LRFN5: variants seen among roughly 807,000 people sequenced by gnomAD.
LRFN5 encodes the protein leucine-rich repeat and fibronectin type-III domain-containing protein 5.
LRFN5 carries 24 observed loss-of-function variants against 45.6 expected under a neutral mutation model. The observed-to-expected ratio is 0.53, with a 90% CI of 0.38 to 0.74. The LOEUF (loss-of-function observed/expected upper bound fraction) is 0.74. Ranked by LOEUF, LRFN5 falls within the 30% of genes least tolerant of loss-of-function variation. The probability of loss-of-function intolerance (pLI) is 0.00; values close to 1 mark genes in which losing one functional copy is unlikely to be tolerated. For missense variants in LRFN5, 776 were observed against 861.5 expected (o/e 0.90, Z 1.24); for synonymous variants, 340 against 313.8 (o/e 1.08, Z -0.88).
chr14:41,733,892 T>C (rs1164359193), intron 1 of LRFN5, among the ~76,000 whole-genome samples: 1 of 151,312 alleles, frequency 6.6e-6, no homozygotes, highest in African/African-American at 2.4e-5. Context: ...GTGTTGCAAG[T>C]AGGGTATTGA....
intron 1 of LRFN5, among the ~76,000 whole-genome samples, chr14:41,649,008 G>A (rs1270259403): frequency 6.6e-6 from 1 of 152,116 alleles, no homozygotes; most frequent in East Asian, 1.9e-4. Context: ...CTGGCTTGCG[G>A]ATCACCTGAG....
At chr14:41,894,539 A>C in intron 4 of LRFN5, 5 of 956,554 alleles carry the variant, frequency 5.2e-6, no homozygotes, top group Non-Finnish European at 5.0e-6. Context: ...ATATTTTAAG[A>C]GATTAACAAA....
intron 1 of LRFN5, among the ~76,000 whole-genome samples, chr14:41,713,860 T>C (rs566043555): frequency 1.3e-5 from 2 of 152,248 alleles, no homozygotes; most frequent in South Asian, 2.1e-4. Flanking sequence ...ATATATTCAG[T>C]TGTAGGAATG....
chr14:41,748,547 C>G (rs925035212), intron 1 of LRFN5, among the ~76,000 whole-genome samples: 14 of 151,788 alleles, frequency 9.2e-5, no homozygotes, highest in African/African-American at 3.4e-4. Flanking sequence ...AATAGTTTTG[C>G]AAGATGAAAA....
intron 2 of LRFN5, among the ~76,000 whole-genome samples, chr14:41,865,080 T>C (rs953879899): frequency 6.6e-6 from 1 of 152,164 alleles, no homozygotes; most frequent in Admixed American, 6.5e-5. Flanking sequence ...TGTATTGAGA[T>C]ATAATTCATG....
rs1283474455 is a variant in LRFN5 at position 41,689,818 on chromosome 14, C to T, written c.-196-77036C>T. On this transcript the variant is annotated intron_variant, in intron 1 of 5. Coordinates refer to ENST00000298119, the MANE Select transcript of LRFN5 (RefSeq NM_152447.5). The stretch of plus-strand genomic sequence containing the variant: ...GCTGAGGCAGGAGAATGGCGTGAAC[C>T]CGGGAGGCGGAGCTTGCAGTGAGCC... Among the ~76,000 whole-genome samples, 4 of 147,848 alleles carry T rather than the reference C, an allele frequency of 2.7e-5. No homozygotes were observed. The East Asian group carries it at 6.0e-4, about 22-fold the overall frequency.
intron 2 of LRFN5, among the ~76,000 whole-genome samples, chr14:41,859,730 G>T (rs940403610): frequency 1.3e-5 from 2 of 152,156 alleles, no homozygotes; most frequent in Non-Finnish European, 2.9e-5. Flanking sequence ...CACAGATTAA[G>T]AGAAAAGATG....
chr14:41,837,194 C>CA (rs5808157), intron 2 of LRFN5, among the ~76,000 whole-genome samples: 4,633 of 74,964 alleles, frequency 0.062, 291 homozygotes, highest in African/African-American at 0.1. Flanking sequence ...ACACACTCCA[C>CA]AAAAAAAAAA....
rs537041641 is a variant in LRFN5, at chr14:41,606,896, G to A, written c.-1863G>A. Among the ~76,000 whole-genome samples, 11 of 150,688 alleles carry A rather than the reference G, an allele frequency of 7.3e-5. No individual in the cohort carries two copies. The highest frequency in any genetic ancestry group is 1.9e-4 in the African/African-American group (8 of 41,174). On this transcript the variant is annotated 5_prime_UTR_variant, in exon 1 of 6. The change abolishes an upstream ATG in the 5' untranslated region. Transcript: ENST00000298119. Reference sequence around the variant, plus strand: ...CCGCCGCCGCCGCCGCCGCCTTCATGCTGCAGCGCAGGGCTCAGTTCCACG... The same window carrying A: ...CCGCCGCCGCCGCCGCCGCCTTCATACTGCAGCGCAGGGCTCAGTTCCACG...
At chr14:41,697,077 T>A (rs1226410662) in intron 1 of LRFN5, among the ~76,000 whole-genome samples, 1 of 151,998 alleles carries the variant, frequency 6.6e-6, no homozygotes, top group Non-Finnish European at 1.5e-5. Flanking sequence ...GTATGAGAGT[T>A]ATGATAACCT....
intron 1 of LRFN5, chr14:41,700,226 A>G (rs12879030): frequency 0.19 from 28,896 of 152,078 alleles, 3,313 homozygotes; most frequent in Non-Finnish European, 0.27. Flanking sequence ...GGGTTACATG[A>G]TAATAGTTGA....
chr14:41,810,186 T>A (rs1887688899), intron 2 of LRFN5, among the ~76,000 whole-genome samples: 1 of 152,114 alleles, frequency 6.6e-6, no homozygotes, highest in Admixed American at 6.6e-5. Flanking sequence ...CTTCAGTGAC[T>A]TTTATTACTC....
At chr14:41,708,935 A>G (rs1022181986) in intron 1 of LRFN5, among the ~76,000 whole-genome samples, 2 of 150,544 alleles carry the variant, frequency 1.3e-5, no homozygotes, top group Admixed American at 1.3e-4. Context: ...CACATGTGTT[A>G]AAAACGTATC....
chr14:41,710,602 C>CAT (rs10637944), intron 1 of LRFN5, among the ~76,000 whole-genome samples: 120,333 of 151,296 alleles, frequency 0.8, 48,533 homozygotes, highest in East Asian at 0.97. Context: ...CAAATTAAAA[C>CAT]ATATATATTT....
intron 1 of LRFN5, among the ~76,000 whole-genome samples, chr14:41,618,712 A>G (rs1594553669): frequency 6.6e-6 from 1 of 152,160 alleles, no homozygotes; most frequent in Non-Finnish European, 1.5e-5. Flanking sequence ...TAACTGAGAC[A>G]CCTGTCTTAG....
At chr14:41,763,755 G>A (rs2138874888) in intron 1 of LRFN5, among the ~76,000 whole-genome samples, 1 of 152,226 alleles carries the variant, frequency 6.6e-6, no homozygotes, top group East Asian at 1.9e-4. Flanking sequence ...TGATTGTGAG[G>A]CCTCCCCAGC....
At chr14:41,676,106 C>T (rs1216731268) in intron 1 of LRFN5, among the ~76,000 whole-genome samples, 1 of 152,226 alleles carries the variant, frequency 6.6e-6, no homozygotes, top group Non-Finnish European at 1.5e-5. Context: ...TGTCTCTCAT[C>T]ACCCTCTTGC....
At chr14:41,761,331 G>T (rs1404268979) in intron 1 of LRFN5, among the ~76,000 whole-genome samples, 1 of 151,078 alleles carries the variant, frequency 6.6e-6, no homozygotes, top group East Asian at 1.9e-4. Context: ...GGGGATACAG[G>T]AAAAAAGAAA....
chr14:41,726,216 C>G (rs2138782151), intron 1 of LRFN5, among the ~76,000 whole-genome samples: 1 of 152,138 alleles, frequency 6.6e-6, no homozygotes, highest in Non-Finnish European at 1.5e-5. Flanking sequence ...TTTTCATTAT[C>G]TACGCTCTAA....
Sources: gnomAD v4.1 joint callset for allele counts (sites outside exome capture counted in the v4.1 genomes callset) on GRCh38, gnomAD v4.1.1 for gene constraint, MANE v1.5 for transcripts, NCBI Gene and HGNC (gene_info 2026-07-23, HGNC 2026-07-21) for gene names.